Variants in CYP2U1 observed in about 807,000 individuals in gnomAD.
CYP2U1 encodes the protein cytochrome P450 2U1.
CYP2U1 carries 28 observed loss-of-function variants against 42.8 expected under a neutral mutation model. The observed-to-expected ratio is 0.65, with a 90% CI of 0.48 to 0.90. The LOEUF is 0.90. Ranked by LOEUF, CYP2U1 falls within the 40% of genes least tolerant of loss-of-function variation. CYP2U1 has a pLI of 0.00. For synonymous variants in CYP2U1, 296 were observed against 278.9 expected, an observed-to-expected ratio of 1.06 and a Z score of -0.61; for missense variants, 642 against 693.8, an observed-to-expected ratio of 0.93 and a Z score of 0.84.
In CYP2U1 at chr4:107,951,141, G is replaced by T. The variant is rs1024527200; in HGVS notation, c.*718G>T. On this transcript the variant is annotated 3_prime_UTR_variant, in exon 5 of 5. Coordinates refer to ENST00000332884, the MANE Select transcript of CYP2U1 (RefSeq NM_183075.3). The stretch of plus-strand genomic sequence containing the variant: ...TTATAATTTTAAAAAATCCCTTGTA[G>T]GATTATTATCTAAATTTATATGTCT... The T allele has an allele frequency of 6.6e-6, 1 of 152,136 alleles. No homozygotes were observed. Among genetic ancestry groups the T allele is most frequent in the South Asian group, 2.1e-4 (1 of 4,824 alleles). The allele number at this position is 152,136 out of a possible 1,614,324, so 9.4% of individuals were successfully genotyped here.
chr4:107,933,880 C>T (rs573908220), intron 1 of CYP2U1, among the ~76,000 whole-genome samples: 38 of 152,248 alleles, frequency 2.5e-4, no homozygotes, highest in African/African-American at 9.1e-4. Context: ...TTTTGATCTG[C>T]GGTTGGTGGA....
rs1238717068 is a variant in CYP2U1 at position 107,947,482 on chromosome 4, G to A, written c.1233G>A (p.Gln411=). The A allele has an allele frequency of 6.2e-7, 1 of 1,614,108 alleles. No individual in the cohort carries two copies. The highest frequency in any genetic ancestry group is 8.5e-7 in the Non-Finnish European group (1 of 1,180,008). ...CAGAAGCCACCATCATGGAAGTGCA[G>A]AGGCTAACTGTGGTGGTGCCGCTTG... ...PYTEATIMEV[Q]RLTVVVPLAI... Residue 411 remains glutamine, a synonymous_variant, in exon 3 of 5, where the codon CAG becomes CAA. Transcript: ENST00000332884.
chr4:107,939,326 G>T (rs773021689), intron 1 of CYP2U1, among the ~76,000 whole-genome samples: 7 of 152,170 alleles, frequency 4.6e-5, no homozygotes, highest in Non-Finnish European at 8.8e-5. Context: ...CAGGAGGAAT[G>T]ATTAAACTTT....
At chr4:107,938,696 T>G (rs1238239727) in intron 1 of CYP2U1, 1 of 152,228 alleles carries the variant, frequency 6.6e-6, no homozygotes, top group African/African-American at 2.4e-5. Flanking sequence ...TTTGTTATTC[T>G]GAAGCAAAAG....
rs1273048233 is a variant in CYP2U1, at chr4:107,945,568, G to C, written c.1089G>C (p.Trp363Cys). The change falls in exon 2 of 5, where the codon TGG becomes TGC. Residue 363 changes from tryptophan (W) to cysteine (C), a missense_variant. Trp to Cys is a radical substitution (Grantham distance 215). Coordinates refer to ENST00000332884, the MANE Select transcript of CYP2U1 (RefSeq NM_183075.3). Reference protein sequence around the residue: ...GTDTTTNSLLWCLLYMSLNPD... With the variant: ...GTDTTTNSLLCCLLYMSLNPD... ...ATACCACAACTAACTCTTTGCTCTG[G>C]TGCCTGCTGTATATGTCGCTGAACC... The C allele has an allele frequency of 6.2e-7, 1 of 1,605,798 alleles. No individual in the cohort carries two copies.
At chr4:107,933,705 G>A (rs1223452412) in intron 1 of CYP2U1, among the ~76,000 whole-genome samples, 1 of 152,266 alleles carries the variant, frequency 6.6e-6, no homozygotes, top group East Asian at 1.9e-4. Flanking sequence ...ATAAAATGGT[G>A]TAGTATTTGC....
At position 107,949,378 on chromosome 4, in the gene CYP2U1, C is replaced by A; in HGVS notation, c.1317C>A (p.Gly439=). The part of the protein sequence containing the change: ...TVLQGYTIPK[G]TLILPNLWSV... ...TCCAAGGGTATACCATTCCTAAAGG[C>A]ACATTGATCTTACCCAACCTGTGGT... is the stretch of plus-strand genomic sequence containing the variant. The change falls in exon 4 of 5, where the codon GGC becomes GGA. Residue 439 remains glycine (G), a synonymous_variant. Transcript: ENST00000332884. 4 of 1,585,854 alleles carry A rather than the reference C, an allele frequency of 2.5e-6. No individual in the cohort carries two copies. The highest frequency in any genetic ancestry group is 2.7e-5 in the African/African-American group (2 of 73,710).
rs1255483052 is a variant in CYP2U1 at position 107,952,578 on chromosome 4, C to G, written c.*2155C>G. 1 of 152,198 alleles carries G rather than the reference C, an allele frequency of 6.6e-6. No homozygotes were observed. The highest frequency in any genetic ancestry group is 2.1e-4 in the South Asian group (1 of 4,826). 9.4% of individuals were successfully genotyped at this position (152,198 alleles called of 1,614,324 possible). On this transcript the variant is annotated 3_prime_UTR_variant, in exon 5 of 5. Coordinates refer to ENST00000332884, the MANE Select transcript of CYP2U1 (RefSeq NM_183075.3). The stretch of plus-strand genomic sequence containing the variant: ...TGATCACCCTTCTTTGCTCTGTTTT[C>G]CAGATAAATGGAGACACCAGATCTC...
At chr4:107,944,852 T>TATATA (rs536313224) in intron 1 of CYP2U1, 118 bp from the exon 2 acceptor site, 13 of 101,082 alleles carry the variant, frequency 1.3e-4, no homozygotes, top group East Asian at 4.3e-4. Context: ...ATATATATAT[T>TATATA]TATATGAGGA....
At position 107,953,420 on chromosome 4, in the gene CYP2U1, G is replaced by A. The variant is rs976603315; in HGVS notation, c.*2997G>A. 7 of 152,102 alleles carry A rather than the reference G, an allele frequency of 4.6e-5. No homozygotes were observed. Among genetic ancestry groups the A allele is most frequent in the Non-Finnish European group, 8.8e-5 (6 of 68,018 alleles). 9.4% of individuals were successfully genotyped at this position (152,102 alleles called of 1,614,324 possible). A position where few individuals can be genotyped will look rare whatever the true frequency, so the allele number is the denominator to read the frequency against. On this transcript the variant is annotated 3_prime_UTR_variant, in exon 5 of 5. Coordinates refer to ENST00000332884, the MANE Select transcript of CYP2U1 (RefSeq NM_183075.3). ...TAATATCTCATTTTTGATTCTCATC[G>A]TTAGCACAGTTTTGTTGCTTTTATT...
At chr4:107,943,908 C>A (rs1733585765) in intron 1 of CYP2U1, among the ~76,000 whole-genome samples, 4 of 152,144 alleles carry the variant, frequency 2.6e-5, no homozygotes, top group African/African-American at 9.7e-5. Flanking sequence ...CAATTTGATA[C>A]AACATCTGGG....
chr4:107,946,477 C>T (rs1396533314), intron 2 of CYP2U1, among the ~76,000 whole-genome samples: 2 of 151,728 alleles, frequency 1.3e-5, no homozygotes, highest in African/African-American at 4.8e-5. Flanking sequence ...GTCCCTTTTG[C>T]CATGTAAGGT....
At position 107,949,458 on chromosome 4, in the gene CYP2U1, G is replaced by A. The variant is rs143952943; in HGVS notation, c.1397G>A (p.Arg466Gln). 152 of 1,609,756 alleles carry A rather than the reference G, an allele frequency of 9.4e-5. No homozygotes were observed. The African/African-American group carries it at 1.9e-3, about 20-fold the overall frequency. The change falls in exon 4 of 5, where the codon CGA becomes CAA. Residue 466 changes from arginine to glutamine, a missense_variant. Coordinates refer to ENST00000332884, the MANE Select transcript of CYP2U1 (RefSeq NM_183075.3). ...AAACCGGAGGATTTCTACCCTAATC[G>A]ATTTCTGGATGACCAAGGACAACTA... ...WEKPEDFYPN[R>Q]FLDDQGQLIK...
intron 3 of CYP2U1, among the ~76,000 whole-genome samples, chr4:107,948,232 A>G (rs1733775111): frequency 7.5e-6 from 1 of 134,164 alleles, no homozygotes; most frequent in South Asian, 2.5e-4. Flanking sequence ...ACTGCACTCT[A>G]GCCTGGGTGA....
At chr4:107,932,483 G>C (rs1372049261) in intron 1 of CYP2U1, among the ~76,000 whole-genome samples, 1 of 152,210 alleles carries the variant, frequency 6.6e-6, no homozygotes, top group Non-Finnish European at 1.5e-5. Context: ...ACCTCGGAGA[G>C]AAACTTTGGC....
At chr4:107,945,706 T>G in intron 2 of CYP2U1, 101 bp downstream of exon 2, 1 of 1,415,958 alleles carries the variant, frequency 7.1e-7, no homozygotes, top group Non-Finnish European at 9.4e-7. Context: ...GAGCAATGTC[T>G]TCAGGCTGGC....
In CYP2U1 at chr4:107,931,997, C is replaced by T; in HGVS notation, c.354C>T (p.Phe118=). 6.4e-7 allele frequency: 1 copy of T among 1,555,214 alleles called. No homozygotes were observed. Among genetic ancestry groups the T allele is most frequent in the African/African-American group, 1.4e-5 (1 of 73,364 alleles). Residue 118 remains phenylalanine (F), a synonymous_variant, in exon 1 of 5, where the codon TTC becomes TTT. Transcript: ENST00000332884. ...TAGCCCGCGTGTACGGCAGCATCTT[C>T]AGCTTCTTTATCGGCCACTACCTGG... ...AHLARVYGSI[F]SFFIGHYLVV...
Position 107,945,498 on chromosome 4 carries a change from A to C in CYP2U1, c.1019A>C (p.Glu340Ala). ...KNNSNSSFDE[E>A]YLFYIIGDLF... Reference sequence around the variant, plus strand: ...AATAGTAACAGCAGTTTTGATGAAGAGTACTTATTTTATATCATTGGGGAT... The same window carrying C: ...AATAGTAACAGCAGTTTTGATGAAGCGTACTTATTTTATATCATTGGGGAT... Residue 340 changes from glutamate to alanine, a missense_variant, in exon 2 of 5, where the codon GAG becomes GCG. Coordinates refer to ENST00000332884, the MANE Select transcript of CYP2U1 (RefSeq NM_183075.3). 6.2e-7 allele frequency: 1 copy of C among 1,614,092 alleles called. No homozygotes were observed. The highest frequency in any genetic ancestry group is 1.3e-5 in the African/African-American group (1 of 75,052).
chr4:107,949,427 T>C lies in CYP2U1; in HGVS notation c.1366T>C (p.Trp456Arg). 6.2e-7 allele frequency: 1 copy of C among 1,612,040 alleles called. No homozygotes were observed. The highest frequency in any genetic ancestry group is 1.7e-5 in the Admixed American group (1 of 59,886). The change falls in exon 4 of 5, where the codon TGG becomes CGG. Residue 456 changes from tryptophan (W) to arginine (R), a missense_variant. Physicochemically the swap from Trp to Arg is moderately radical, Grantham distance 101. Transcript: ENST00000332884. ...GTCAGTACATAGAGACCCAGCCATT[T>C]GGGAGAAACCGGAGGATTTCTACCC... ...LWSVHRDPAI[W>R]EKPEDFYPNR...
Sources: gnomAD v4.1 joint callset for allele counts (sites outside exome capture counted in the v4.1 genomes callset) on GRCh38, gnomAD v4.1.1 for gene constraint, MANE v1.5 for transcripts, NCBI Gene and HGNC (gene_info 2026-07-23, HGNC 2026-07-21) for gene names.